TRPM1: variants seen among roughly 807,000 people sequenced by gnomAD.
The protein encoded by TRPM1 is TRPM1-203 APA Isoform, Intron 10.
TRPM1 carries 113 observed loss-of-function variants against 149.4 expected under a neutral mutation model. That is an observed-to-expected ratio of 0.76 (90% confidence interval 0.65 to 0.88). TRPM1 has a LOEUF of 0.88. Ranked by LOEUF, TRPM1 falls within the 40% of genes least tolerant of loss-of-function variation. The pLI is 0.00. For synonymous variants in TRPM1, 741 were observed against 759.5 expected (o/e 0.98, Z 0.40); for missense variants, 1,976 against 2,038.7 (o/e 0.97, Z 0.59).
At chr15:31,083,055 G>A (rs1378561436) in intron 1 of TRPM1, among the ~76,000 whole-genome samples, 1 of 152,180 alleles carries the variant, frequency 6.6e-6, no homozygotes, top group Non-Finnish European at 1.5e-5. Context: ...GAGGAAGGCT[G>A]CAAAGACACA....
At chr15:31,038,898 T>C (rs189887686) in intron 18 of TRPM1, among the ~76,000 whole-genome samples, 2 of 151,962 alleles carry the variant, frequency 1.3e-5, no homozygotes, top group Admixed American at 6.6e-5. Flanking sequence ...GCAAGGCTAA[T>C]GTGACTCAGA....
chr15:31,022,437 C>T (rs964723489), intron 27 of TRPM1, among the ~76,000 whole-genome samples: 1 of 152,198 alleles, frequency 6.6e-6, no homozygotes, highest in Non-Finnish European at 1.5e-5. Flanking sequence ...TTGAGATCAG[C>T]CTGGGCAACA....
chr15:31,057,594 AT>A (rs1159779628), intron 11 of TRPM1, among the ~76,000 whole-genome samples: 1 of 152,234 alleles, frequency 6.6e-6, no homozygotes, highest in Non-Finnish European at 1.5e-5. Flanking sequence ...ACAAAATGGC[AT>A]TTTTAAGGTA....
At chr15:31,099,309 A>C (rs1336099052) in intron 1 of TRPM1, among the ~76,000 whole-genome samples, 1 of 152,086 alleles carries the variant, frequency 6.6e-6, no homozygotes, top group Non-Finnish European at 1.5e-5. Flanking sequence ...CTTAATCTCT[A>C]GGTCATGGAA....
rs374138784 is a variant in TRPM1 at position 31,088,981 on chromosome 15, G to A, written c.-83-7543C>T. On this transcript the variant is annotated intron_variant, in intron 1 of 27. Coordinates refer to ENST00000256552, the MANE Select transcript of TRPM1 (RefSeq NM_001252024.2). ...GCAGTGGGGCTCCCAGCACTTTCTTGGCTGATGGGCAGTTCTAGATTTAGG... is the reference window on the plus strand; with the variant it reads ...GCAGTGGGGCTCCCAGCACTTTCTTAGCTGATGGGCAGTTCTAGATTTAGG... Among the ~76,000 whole-genome samples, 5 of 152,320 alleles carry A rather than the reference G, an allele frequency of 3.3e-5. No individual in the cohort carries two copies. The East Asian group carries it at 7.7e-4, about 23-fold the overall frequency.
chr15:31,002,572 T>G lies in TRPM1; in HGVS notation c.4128A>C (p.Leu1376Phe). ...DDLKNAEESK[L>F]GPDIGISKED... ...CCTTTGAAATCCCAATATCTGGACC[T>G]AATTTTGACTCTTCAGCGTTCTTTA... Residue 1376 changes from leucine to phenylalanine, a missense_variant, in exon 28 of 28, where the codon TTA becomes TTC. Around this residue, in one of 3 missense-constraint regions of TRPM1, gnomAD observed 572 missense variants for 578.9 expected, o/e 0.99. Coordinates refer to ENST00000256552, the MANE Select transcript of TRPM1 (RefSeq NM_001252024.2). 1 of 1,614,184 alleles carries G rather than the reference T, an allele frequency of 6.2e-7. No homozygotes were observed. Among genetic ancestry groups the G allele is most frequent in the Non-Finnish European group, 8.5e-7 (1 of 1,180,044 alleles).
At chr15:31,134,473 T>A (rs2141046105) in intron 1 of TRPM1, among the ~76,000 whole-genome samples, 1 of 152,278 alleles carries the variant, frequency 6.6e-6, no homozygotes, top group South Asian at 2.1e-4. Context: ...TCTCCATTTG[T>A]AAAGGTGTCT....
chr15:31,066,202 A>G lies in TRPM1; in HGVS notation c.664T>C (p.Ser222Pro). Residue 222 changes from serine to proline, a missense_variant, in exon 7 of 28, where the codon TCT becomes CCT. By Grantham distance (74) the Ser-to-Pro change is moderately conservative. Coordinates refer to ENST00000256552, the MANE Select transcript of TRPM1 (RefSeq NM_001252024.2). The stretch of plus-strand genomic sequence containing the variant: ...TGGGTGTGGGAGTTGTTGAGCACAG[A>G]GAGCTTACTTAGAGGGTTGGACATG... Reference protein sequence around the residue: ...QTMSNPLSKLSVLNNSHTHFI... With the variant: ...QTMSNPLSKLPVLNNSHTHFI... 1 of 1,614,210 alleles carries G rather than the reference A, an allele frequency of 6.2e-7. No individual in the cohort carries two copies.
At chr15:31,133,157 C>T (rs534376632) in intron 1 of TRPM1, among the ~76,000 whole-genome samples, 1 of 152,282 alleles carries the variant, frequency 6.6e-6, no homozygotes, top group Non-Finnish European at 1.5e-5. Context: ...ACTGCAGTGG[C>T]CGAGCGTGGT....
rs776205185 is a variant in TRPM1 at position 31,032,862 on chromosome 15, C to G, written c.2779G>C (p.Val927Leu). ...LQEYWNITDLVAISTFMIGAI... is the reference protein window; with the variant it reads ...LQEYWNITDLLAISTFMIGAI... The stretch of plus-strand genomic sequence containing the variant: ...CCAATCATGAATGTGGAAATGGCCA[C>G]GAGATCTGTGATGTTCCAGTACTCC... Residue 927 changes from valine (V) to leucine (L), a missense_variant, in exon 22 of 28, where the codon GTG (valine) becomes CTG (leucine). Coordinates refer to ENST00000256552, the MANE Select transcript of TRPM1 (RefSeq NM_001252024.2). 8.7e-6 allele frequency: 14 copies of G among 1,614,064 alleles called. No individual in the cohort carries two copies. The highest frequency in any genetic ancestry group is 1.2e-5 in the Non-Finnish European group (14 of 1,180,056).
In TRPM1 at chr15:31,002,929, C is replaced by T. The variant is rs749903579; in HGVS notation, c.3771G>A (p.Ala1257=). Residue 1257 remains alanine, a synonymous_variant, in exon 28 of 28, where the codon GCG becomes GCA. Transcript: ENST00000256552. ...GGATCAGGTCAGACCTGTCGATTCC[C>T]GCAAGATTTTCAAGAGCATTCACCA... is the stretch of plus-strand genomic sequence containing the variant. The part of the protein sequence containing the change: ...NRMVNALENL[A]GIDRSDLIQA... 16 of 1,602,894 alleles carry T rather than the reference C, an allele frequency of 1.0e-5. No homozygotes were observed. Among genetic ancestry groups the T allele is most frequent in the East Asian group, 2.2e-5 (1 of 44,696 alleles).
Position 31,048,269 on chromosome 15 carries a change from A to G in TRPM1, c.1573-330T>C, listed in dbSNP as rs79506682. On this transcript the variant is annotated intron_variant, in intron 13 of 27. Coordinates refer to ENST00000256552, the MANE Select transcript of TRPM1 (RefSeq NM_001252024.2). The stretch of plus-strand genomic sequence containing the variant: ...AGTGAGACCTCGTCTAAGAATGAAT[A>G]AATAAATAAATAAATAAATAAGTTT... 1.0e-3 allele frequency among the ~76,000 whole-genome samples: 155 copies of G among 152,206 alleles called. 2 individuals carry two copies. The East Asian group carries it at 0.022, about 22-fold the overall frequency.
chr15:31,069,461 C>T, intron 4 of TRPM1: 1 of 1,030,470 alleles, frequency 9.7e-7, no homozygotes, highest in Non-Finnish European at 1.2e-6. Context: ...TGCAAAAAGT[C>T]TGTGACTGGG....
intron 11 of TRPM1, among the ~76,000 whole-genome samples, chr15:31,058,816 T>G (rs1219971464): frequency 6.6e-6 from 1 of 152,214 alleles, no homozygotes; most frequent in Non-Finnish European, 1.5e-5. Context: ...GTGCAGTGAC[T>G]CATGCCTGTA....
rs1399858318 is a variant in TRPM1 at position 31,072,402 on chromosome 15, A to G, written c.84-2176T>C. ...AATATTCTCGTATGAATGGATGAAC[A>G]TTTTGTTTATCTATTTATCATTTAA... is the stretch of plus-strand genomic sequence containing the variant. On this transcript the variant is annotated intron_variant, in intron 3 of 27. Coordinates refer to ENST00000256552, the MANE Select transcript of TRPM1 (RefSeq NM_001252024.2). Among the ~76,000 whole-genome samples, 26 of 152,234 alleles carry G rather than the reference A, an allele frequency of 1.7e-4. 1 individual carries two copies. Among genetic ancestry groups the G allele is most frequent in the Non-Finnish European group, 7.4e-5 (5 of 68,020 alleles).
At chr15:31,158,172 C>T (rs1357561688) in intron 1 of TRPM1, among the ~76,000 whole-genome samples, 1 of 152,106 alleles carries the variant, frequency 6.6e-6, no homozygotes, top group Non-Finnish European at 1.5e-5. Context: ...GCAAACTGTG[C>T]CATCAAGGTT....
rs2034367201 is a variant in TRPM1 at position 31,066,098 on chromosome 15, G to GCCTTCGC, written c.767_768insGCGAAGG (p.Ile256MetfsTer28). 11 of 1,613,976 alleles carry GCCTTCGC rather than the reference G, an allele frequency of 6.8e-6. No individual in the cohort carries two copies. The highest frequency in any genetic ancestry group is 9.3e-6 in the Non-Finnish European group (11 of 1,179,988). ...TACTTGTGTTGATCTTCTGCAGGGA[G>GCCTTCGC]ATGTGCTTTTCCAGCAGCCTTCGCA... On this transcript the variant is annotated frameshift_variant, in exon 7 of 28. Transcript: ENST00000256552. LOFTEE classifies it high-confidence loss of function.
At chr15:31,127,988 T>C (rs1178057133) in intron 1 of TRPM1, among the ~76,000 whole-genome samples, 2 of 152,166 alleles carry the variant, frequency 1.3e-5, no homozygotes, top group Non-Finnish European at 2.9e-5. Flanking sequence ...GGTGGTAACT[T>C]GGCTGACATA....
In TRPM1 at chr15:31,024,150, C is replaced by T. The variant is rs2032641342; in HGVS notation, c.3629+1989G>A. On this transcript the variant is annotated intron_variant, in intron 27 of 27. Transcript: ENST00000256552. The stretch of plus-strand genomic sequence containing the variant: ...ACCAGACCCTACAGACTGAATAGTG[C>T]TGGCGAAGACACGACCGAGAGAAGA... Among the ~76,000 whole-genome samples, 3 of 152,088 alleles carry T rather than the reference C, an allele frequency of 2.0e-5. No homozygotes were observed. In the South Asian group the frequency reaches 6.2e-4, roughly 32 times the overall value.
Sources: gnomAD v4.1 joint callset for allele counts (sites outside exome capture counted in the v4.1 genomes callset) on GRCh38, gnomAD v4.1.1 for gene constraint, gnomAD v4.1.1 regional missense constraint, MANE v1.5 for transcripts, NCBI Gene and HGNC (gene_info 2026-07-23, HGNC 2026-07-21) for gene names.